The following LRRTM4 variants were observed in gnomAD, a reference collection of about 807,000 sequenced individuals.
LRRTM4 encodes the protein leucine-rich repeat transmembrane neuronal protein 4.
Under a neutral mutation model 47.6 loss-of-function variants are expected in LRRTM4, and 25 were observed. The observed-to-expected ratio is 0.53, with a 90% CI of 0.38 to 0.73. LRRTM4 has a LOEUF of 0.73. Among genes scored for constraint, LRRTM4 ranks in the 30% least tolerant of loss-of-function variants. The pLI is 0.00. For missense variants in LRRTM4, 638 were observed against 713.4 expected (o/e 0.89, Z 1.20); for synonymous variants, 311 against 269.5 (o/e 1.15, Z -1.51).
At chr2:76,975,215 A>C (rs900029854) in intron 3 of LRRTM4, among the ~76,000 whole-genome samples, 1 of 151,732 alleles carries the variant, frequency 6.6e-6, no homozygotes, top group Non-Finnish European at 1.5e-5. Flanking sequence ...TTTTTTTCTC[A>C]TAGTGGTTTA....
intron 3 of LRRTM4, among the ~76,000 whole-genome samples, chr2:76,776,146 C>G (rs1258162128): frequency 6.6e-6 from 1 of 152,142 alleles, no homozygotes; most frequent in Non-Finnish European, 1.5e-5. Flanking sequence ...TTTTCTTAAT[C>G]CAGTCTATCA....
Position 77,299,247 on chromosome 2 carries a change from C to CTA in LRRTM4, c.1551+219069_1551+219070dup, listed in dbSNP as rs767526900. Among the ~76,000 whole-genome samples, 411 of 100,606 alleles carry CTA rather than the reference C, an allele frequency of 4.1e-3. 10 individuals carry two copies. In the East Asian group the frequency reaches 0.057, roughly 14 times the overall value. The allele number at this position is 100,606 out of a possible 152,430, so 66.0% of individuals were successfully genotyped here. A position where few individuals can be genotyped will look rare whatever the true frequency, so the allele number is the denominator to read the frequency against. ...TCCTACAATCTCTCTCTCTCTTTAT[C>CTA]TATATATATATACACACACACACAC... On this transcript the variant is annotated intron_variant, in intron 3 of 3. Coordinates refer to ENST00000409884, the MANE Select transcript of LRRTM4 (RefSeq NM_001134745.3).
chr2:77,241,928 T>C (rs777570797), intron 3 of LRRTM4, among the ~76,000 whole-genome samples: 5 of 152,134 alleles, frequency 3.3e-5, no homozygotes, highest in Admixed American at 6.6e-5. Context: ...GATCCCCTTG[T>C]TGAAAATCAA....
chr2:76,980,261 A>T (rs369648481), intron 3 of LRRTM4, among the ~76,000 whole-genome samples: 1 of 152,084 alleles, frequency 6.6e-6, no homozygotes, highest in East Asian at 1.9e-4. Context: ...TCCCTGGGGG[A>T]AGCTTCTGCT....
intron 3 of LRRTM4, among the ~76,000 whole-genome samples, chr2:76,927,474 A>C (rs1228112514): frequency 6.6e-6 from 1 of 152,090 alleles, no homozygotes; most frequent in Non-Finnish European, 1.5e-5. Context: ...ACATAAACAG[A>C]GACAAAAGAT....
At chr2:77,489,794 A>G (rs927792381) in intron 3 of LRRTM4, among the ~76,000 whole-genome samples, 3 of 152,220 alleles carry the variant, frequency 2.0e-5, no homozygotes, top group Non-Finnish European at 4.4e-5. Flanking sequence ...TATGATTCTC[A>G]AACACGTTCC....
At chr2:76,911,944 G>A (rs796345944) in intron 3 of LRRTM4, among the ~76,000 whole-genome samples, 2,582 of 140,106 alleles carry the variant, frequency 0.018, 194 homozygotes, top group East Asian at 0.087. Context: ...TTGGGGGGGG[G>A]GGGGGGACAG....
At chr2:77,120,546 C>G (rs564417912) in intron 3 of LRRTM4, among the ~76,000 whole-genome samples, 7 of 151,664 alleles carry the variant, frequency 4.6e-5, no homozygotes, top group Non-Finnish European at 8.9e-5. Context: ...CAGAAATAAG[C>G]TACATAAGGT....
intron 3 of LRRTM4, among the ~76,000 whole-genome samples, chr2:77,382,871 C>T (rs1036664640): frequency 1.3e-5 from 2 of 152,128 alleles, no homozygotes; most frequent in Middle Eastern, 3.4e-3. Flanking sequence ...ACGAGCCATA[C>T]GAAAATCCAC....
At chr2:76,960,473 C>G (rs546611003) in intron 3 of LRRTM4, among the ~76,000 whole-genome samples, 1 of 151,478 alleles carries the variant, frequency 6.6e-6, no homozygotes, top group Non-Finnish European at 1.5e-5. Context: ...TGGACTTGTA[C>G]CATCTCTTTA....
chr2:77,461,013 G>T (rs1676766871), intron 3 of LRRTM4, among the ~76,000 whole-genome samples: 1 of 151,866 alleles, frequency 6.6e-6, no homozygotes, highest in Non-Finnish European at 1.5e-5. Flanking sequence ...GTAATTAACA[G>T]AAATTTTTAA....
At chr2:77,333,596 T>G (rs1030665503) in intron 3 of LRRTM4, among the ~76,000 whole-genome samples, 1 of 152,160 alleles carries the variant, frequency 6.6e-6, no homozygotes, top group Non-Finnish European at 1.5e-5. Flanking sequence ...AAGTCAAGAA[T>G]TGAGGTTTGA....
intron 3 of LRRTM4, among the ~76,000 whole-genome samples, chr2:77,479,481 G>A (rs1006485918): frequency 5.3e-5 from 8 of 152,150 alleles, no homozygotes; most frequent in African/African-American, 1.2e-4. Context: ...AGGGTTTACC[G>A]GACAGTGTGC....
At chr2:77,459,634 C>T (rs1225405194) in intron 3 of LRRTM4, among the ~76,000 whole-genome samples, 1 of 151,686 alleles carries the variant, frequency 6.6e-6, no homozygotes, top group Non-Finnish European at 1.5e-5. Flanking sequence ...TTAAACATAT[C>T]TAATGTCAAG....
chr2:77,516,541 C>A, intron 3 of LRRTM4: 1 of 865,192 alleles, frequency 1.2e-6, no homozygotes, highest in African/African-American at 1.8e-5. Context: ...TATATACCAG[C>A]CTTTAAGAGG....
At position 77,262,678 on chromosome 2, in the gene LRRTM4, A is replaced by G. The variant is rs867561349; in HGVS notation, c.1551+255640T>C. Among the ~76,000 whole-genome samples the G allele has an allele frequency of 4.6e-5, 7 of 151,746 alleles. No homozygotes were observed. The East Asian group carries it at 9.7e-4, about 21-fold the overall frequency. Reference sequence around the variant, plus strand: ...ATGTCTTTCAATTTTGGTTTTTCTAATATTTGTCTCATGGTTAACTCATGG... The same window carrying G: ...ATGTCTTTCAATTTTGGTTTTTCTAGTATTTGTCTCATGGTTAACTCATGG... On this transcript the variant is annotated intron_variant, in intron 3 of 3. Transcript: ENST00000409884.
chr2:76,811,083 C>G (rs1670718328), intron 3 of LRRTM4, among the ~76,000 whole-genome samples: 1 of 152,096 alleles, frequency 6.6e-6, no homozygotes, highest in African/African-American at 2.4e-5. Context: ...CCCCTCACCC[C>G]ACCCTGTGCA....
intron 3 of LRRTM4, among the ~76,000 whole-genome samples, chr2:76,782,020 G>A (rs1462889580): frequency 6.6e-6 from 1 of 152,024 alleles, no homozygotes; most frequent in Non-Finnish European, 1.5e-5. Flanking sequence ...AAATACTCAG[G>A]CTTTAGATCT....
At chr2:76,995,489 G>T (rs1677168519) in intron 3 of LRRTM4, among the ~76,000 whole-genome samples, 1 of 151,864 alleles carries the variant, frequency 6.6e-6, no homozygotes, top group Admixed American at 6.6e-5. Flanking sequence ...AATGAAGCCT[G>T]AATGATAATT....
Sources: gnomAD v4.1 joint callset for allele counts (sites outside exome capture counted in the v4.1 genomes callset) on GRCh38, gnomAD v4.1.1 for gene constraint, MANE v1.5 for transcripts, NCBI Gene and HGNC (gene_info 2026-07-23, HGNC 2026-07-21) for gene names.